PRKN: variants seen among roughly 807,000 people sequenced by gnomAD.
The protein encoded by PRKN is E3 ubiquitin-protein ligase parkin.
In PRKN, 56 loss-of-function variants were observed where a neutral mutation model predicts 59.5. That is an observed-to-expected ratio of 0.94 (90% confidence interval 0.76 to 1.18). The LOEUF is 1.18. PRKN is among the 50% of genes most tolerant of loss of function. The pLI, the probability that PRKN is intolerant of heterozygous loss-of-function variation, is 0.00. For synonymous variants in PRKN, 250 were observed against 222.1 expected, an observed-to-expected ratio of 1.13 and a Z score of -1.12; for missense variants, 657 against 596.4, an observed-to-expected ratio of 1.10 and a Z score of -1.06.
intron 9 of PRKN, among the ~76,000 whole-genome samples, chr6:161,453,193 A>G (rs947898188): frequency 2.6e-5 from 4 of 152,214 alleles, no homozygotes; most frequent in African/African-American, 9.7e-5. Flanking sequence ...GCCTTGAACC[A>G]GTGAACAGTA....
At chr6:162,512,457 C>A (rs1777669057) in intron 1 of PRKN, among the ~76,000 whole-genome samples, 1 of 152,202 alleles carries the variant, frequency 6.6e-6, no homozygotes, top group African/African-American at 2.4e-5. Context: ...AAATCAATAA[C>A]TGAAATAACA....
rs1784711572 is a variant in PRKN, at chr6:162,201,125, C to T, written c.534+6G>A. On this transcript the variant is annotated splice_donor_region_variant and intron_variant, in intron 4 of 11. Coordinates refer to ENST00000366898, the MANE Select transcript of PRKN (RefSeq NM_004562.3). ...GCAGTCTCATGCTGACACTGCATTT[C>T]CTTACCTGGGTCAAGGTGAGCGTTG... is the stretch of plus-strand genomic sequence containing the variant. 1.5e-5 allele frequency: 24 copies of T among 1,614,020 alleles called. No individual in the cohort carries two copies. The highest frequency in any genetic ancestry group is 1.9e-5 in the Non-Finnish European group (23 of 1,180,012).
At chr6:162,310,124 G>A (rs1782427278) in intron 2 of PRKN, among the ~76,000 whole-genome samples, 1 of 151,956 alleles carries the variant, frequency 6.6e-6, no homozygotes, top group Admixed American at 6.6e-5. Flanking sequence ...GAATATAGAC[G>A]GGAAGACAAA....
intron 5 of PRKN, among the ~76,000 whole-genome samples, chr6:161,999,303 A>T (rs1034620170): frequency 5.9e-5 from 9 of 152,082 alleles, no homozygotes; most frequent in African/African-American, 2.2e-4. Flanking sequence ...TGTCACTGCA[A>T]TTGATTTCAG....
At chr6:161,819,378 C>G (rs1323537574) in intron 6 of PRKN, among the ~76,000 whole-genome samples, 1 of 152,122 alleles carries the variant, frequency 6.6e-6, no homozygotes, top group Non-Finnish European at 1.5e-5. Context: ...GTAATCCCAG[C>G]TACTAGGGAG....
chr6:161,515,472 G>A (rs568481979), intron 9 of PRKN, among the ~76,000 whole-genome samples: 16 of 152,180 alleles, frequency 1.1e-4, no homozygotes, highest in African/African-American at 3.9e-4. Context: ...TAATTTTCAG[G>A]CATTTGGTTG....
chr6:162,455,551 C>T (rs1790831748), intron 1 of PRKN, among the ~76,000 whole-genome samples: 1 of 152,116 alleles, frequency 6.6e-6, no homozygotes, highest in African/African-American at 2.4e-5. Context: ...GTACTATAAT[C>T]TTAAGGGACC....
intron 7 of PRKN, chr6:161,783,595 A>C (rs1209955988): frequency 2.1e-6 from 1 of 487,320 alleles, no homozygotes; most frequent in Non-Finnish European, 3.9e-6. Flanking sequence ...ATGAACTGAT[A>C]ACTAAAAAGA....
At chr6:161,534,245 C>T (rs914581700) in intron 9 of PRKN, among the ~76,000 whole-genome samples, 1 of 152,160 alleles carries the variant, frequency 6.6e-6, no homozygotes, top group Non-Finnish European at 1.5e-5. Flanking sequence ...TCACTCTGTT[C>T]CAGAATCTTC....
At position 161,354,410 on chromosome 6, in the gene PRKN, T is replaced by C. The variant is rs1784676081; in HGVS notation, c.1286-4199A>G. On this transcript the variant is annotated intron_variant, in intron 11 of 11. Transcript: ENST00000366898. This position sits in a 1 kb window ranked among gnomAD's most constrained non-coding sequence, Gnocchi z 6.7. ...TACGCCGGGCAGTCGACATCGTGGC[T>C]CCGGCCAGCAATTCTTCCACTAGAT... Among the ~76,000 whole-genome samples the C allele has an allele frequency of 6.6e-6, 1 of 152,166 alleles. No individual in the cohort carries two copies. The highest frequency in any genetic ancestry group is 1.5e-5 in the Non-Finnish European group (1 of 68,042).
chr6:162,726,940 A>C (rs1252317241), intron 1 of PRKN, among the ~76,000 whole-genome samples: 1 of 152,110 alleles, frequency 6.6e-6, no homozygotes, highest in Non-Finnish European at 1.5e-5. Flanking sequence ...TCAAGTGTTC[A>C]TGAACAACTC....
At chr6:161,692,415 A>G (rs1185324543) in intron 7 of PRKN, among the ~76,000 whole-genome samples, 2 of 152,224 alleles carry the variant, frequency 1.3e-5, no homozygotes, top group African/African-American at 2.4e-5. Context: ...AAATAAGCAC[A>G]TGTTCTTCTC....
intron 4 of PRKN, among the ~76,000 whole-genome samples, chr6:162,090,286 TA>T (rs1779427692): frequency 6.6e-6 from 1 of 152,320 alleles, no homozygotes; most frequent in East Asian, 1.9e-4. Context: ...ATAGTGGATT[TA>T]TATTTTAGAC....
At chr6:161,762,134 A>G (rs1789229761) in intron 7 of PRKN, among the ~76,000 whole-genome samples, 1 of 152,200 alleles carries the variant, frequency 6.6e-6, no homozygotes, top group Non-Finnish European at 1.5e-5. Flanking sequence ...GAATTTAGGT[A>G]GCCAAGAAAG....
At chr6:162,512,181 C>G (rs1266573125) in intron 1 of PRKN, among the ~76,000 whole-genome samples, 1 of 152,170 alleles carries the variant, frequency 6.6e-6, no homozygotes, top group African/African-American at 2.4e-5. Context: ...ACTTTCCTTA[C>G]AGCTTCTCCT....
chr6:161,840,722 TG>T (rs1792950089), intron 6 of PRKN, among the ~76,000 whole-genome samples: 1 of 151,510 alleles, frequency 6.6e-6, no homozygotes, highest in African/African-American at 2.4e-5. Context: ...TTTCTGTCCC[TG>T]TTTTAGTTTG....
At chr6:161,431,501 T>C (rs1166438058) in intron 9 of PRKN, among the ~76,000 whole-genome samples, 1 of 152,212 alleles carries the variant, frequency 6.6e-6, no homozygotes, top group African/African-American at 2.4e-5. Context: ...TCATATTTTA[T>C]ATTATAAAGT....
At chr6:162,439,268 C>G (rs909798917) in intron 2 of PRKN, among the ~76,000 whole-genome samples, 2 of 151,914 alleles carry the variant, frequency 1.3e-5, no homozygotes, top group East Asian at 3.9e-4. Context: ...AAAAAACAGG[C>G]CATTGTTGGG....
chr6:161,835,178 G>A (rs1290531635), intron 6 of PRKN, among the ~76,000 whole-genome samples: 1 of 152,064 alleles, frequency 6.6e-6, no homozygotes, highest in Non-Finnish European at 1.5e-5. Context: ...AAGGAAAAGG[G>A]GGAATCATTT....
Sources: gnomAD v4.1 joint callset for allele counts (sites outside exome capture counted in the v4.1 genomes callset) on GRCh38, gnomAD v4.1.1 for gene constraint, Gnocchi (gnomAD v3.1) non-coding constraint, MANE v1.5 for transcripts, NCBI Gene and HGNC (gene_info 2026-07-23, HGNC 2026-07-21) for gene names.